The following OSBPL2 variants were observed in gnomAD, a reference collection of about 807,000 sequenced individuals.
The protein encoded by OSBPL2 is oxysterol-binding protein-related protein 2.
Under a neutral mutation model 58.4 loss-of-function variants are expected in OSBPL2, and 18 were observed. The ratio of observed to expected loss-of-function variants is 0.31; its 90% CI spans 0.21 to 0.46. OSBPL2 has a LOEUF of 0.46. Ranked by LOEUF, OSBPL2 falls within the 20% of genes least tolerant of loss-of-function variation. The probability of loss-of-function intolerance (pLI) is 1.00; values close to 1 mark genes in which losing one functional copy is unlikely to be tolerated. For synonymous variants in OSBPL2, 221 were observed against 234.1 expected (o/e 0.94, Z 0.51); for missense variants, 461 against 616.5 (o/e 0.75, Z 2.67).
At chr20:62,267,581 C>T (rs1237639771) in intron 4 of OSBPL2, among the ~76,000 whole-genome samples, 2 of 152,184 alleles carry the variant, frequency 1.3e-5, no homozygotes, top group East Asian at 1.9e-4. Context: ...GTTCCTACAG[C>T]TAGGAACTGT....
chr20:62,279,317 A>G lies in OSBPL2; in HGVS notation c.652A>G (p.Thr218Ala), dbSNP rs749212869. The G allele has an allele frequency of 2.5e-6, 4 of 1,614,098 alleles. No individual in the cohort carries two copies. The South Asian group carries it at 3.3e-5, about 13-fold the overall frequency. ...AAGCGTGGAGGCGGAGCCCCGAGGC[A>G]CCATCACCCTGGAGCTGCTCAAGTG... Reference protein sequence around the residue: ...GKSVEAEPRGTITLELLKHNE... With the variant: ...GKSVEAEPRGAITLELLKHNE... The change falls in exon 7 of 14, where the codon ACC becomes GCC. Residue 218 changes from threonine (T) to alanine (A), a missense_variant. Physicochemically the swap from Thr to Ala is moderately conservative, Grantham distance 58. Transcript: ENST00000313733.
chr20:62,274,645 G>T (rs76012877), intron 6 of OSBPL2, among the ~76,000 whole-genome samples: 1 of 152,200 alleles, frequency 6.6e-6, no homozygotes, highest in East Asian at 1.9e-4. Context: ...GAGCTTGCTG[G>T]TGGGACACCC....
At position 62,256,086 on chromosome 20, in the gene OSBPL2, A is replaced by AG; in HGVS notation, c.-98dup. ...TCAGTGTCTATTGGATTTTTCCAAG[A>AG]GAAAGTTTGTAAAATTCCTTACACT... On this transcript the variant is annotated 5_prime_UTR_variant, in exon 2 of 14. Coordinates refer to ENST00000313733, the MANE Select transcript of OSBPL2 (RefSeq NM_144498.4). The AG allele has an allele frequency of 1.4e-6, 2 of 1,441,396 alleles. No homozygotes were observed. The highest frequency in any genetic ancestry group is 1.9e-6 in the Non-Finnish European group (2 of 1,053,996). 89.3% of individuals were successfully genotyped at this position (1,441,396 alleles called of 1,614,324 possible).
chr20:62,251,407 CTT>C (rs1249189807), intron 1 of OSBPL2, among the ~76,000 whole-genome samples: 17 of 110,810 alleles, frequency 1.5e-4, no homozygotes, highest in East Asian at 2.6e-4. Context: ...ACTATCGTGA[CTT>C]TTTTTTTTTT....
intron 1 of OSBPL2, among the ~76,000 whole-genome samples, chr20:62,252,875 T>G (rs1426419004): frequency 3.3e-5 from 5 of 152,228 alleles, no homozygotes. Context: ...TGGGCACTCA[T>G]CCTTGCCCAG....
At chr20:62,268,177 G>A (rs568205522) in intron 4 of OSBPL2, among the ~76,000 whole-genome samples, 11 of 151,726 alleles carry the variant, frequency 7.2e-5, no homozygotes, top group Admixed American at 2.6e-4. Context: ...GATTACAAGC[G>A]TGAGCCACCG....
chr20:62,294,836 G>A lies in OSBPL2; in HGVS notation c.*949G>A, dbSNP rs1037405756. On this transcript the variant is annotated 3_prime_UTR_variant, in exon 14 of 14. Transcript: ENST00000313733. ...CACATCCGGTTGTGTCCTGTGGGAG[G>A]GTCAGAGGCAGAATCTACTTACAGT... The A allele has an allele frequency of 2.0e-5, 3 of 152,182 alleles. No homozygotes were observed. Among genetic ancestry groups the A allele is most frequent in the African/African-American group, 7.2e-5 (3 of 41,436 alleles). The allele number at this position is 152,182 out of a possible 1,614,324, so 9.4% of individuals were successfully genotyped here. A position where few individuals can be genotyped will look rare whatever the true frequency, so the allele number is the denominator to read the frequency against.
At chr20:62,264,183 C>T (rs547513899) in intron 4 of OSBPL2, among the ~76,000 whole-genome samples, 8 of 152,002 alleles carry the variant, frequency 5.3e-5, no homozygotes, top group African/African-American at 1.9e-4. Flanking sequence ...GTAGGTGAAA[C>T]GGGACATAAG....
chr20:62,249,216 C>T (rs1320719586), intron 1 of OSBPL2, among the ~76,000 whole-genome samples: 2 of 151,970 alleles, frequency 1.3e-5, no homozygotes, highest in Admixed American at 6.6e-5. Flanking sequence ...AAGTGCCCCC[C>T]AACCCCCCAA....
chr20:62,267,298 G>A (rs1981744290), intron 4 of OSBPL2, among the ~76,000 whole-genome samples: 1 of 152,188 alleles, frequency 6.6e-6, no homozygotes, highest in South Asian at 2.1e-4. Context: ...TAACTCACTG[G>A]GAGTTGCTAG....
intron 4 of OSBPL2, among the ~76,000 whole-genome samples, chr20:62,264,470 T>G (rs1205741424): frequency 6.6e-6 from 1 of 152,192 alleles, no homozygotes; most frequent in East Asian, 1.9e-4. Flanking sequence ...GGGCCAGCGC[T>G]TGATGCCTGA....
chr20:62,292,086 G>A (rs1399635123), intron 13 of OSBPL2, among the ~76,000 whole-genome samples: 1 of 152,228 alleles, frequency 6.6e-6, no homozygotes, highest in African/African-American at 2.4e-5. Context: ...ACCCGGCTGG[G>A]GGTGGCCTGT....
intron 6 of OSBPL2, among the ~76,000 whole-genome samples, chr20:62,273,939 C>G (rs1455113749): frequency 6.6e-6 from 1 of 152,220 alleles, no homozygotes; most frequent in Non-Finnish European, 1.5e-5. Flanking sequence ...GTTAACCAGA[C>G]CACGCCTCAT....
chr20:62,277,371 G>A (rs1457288602), intron 6 of OSBPL2, among the ~76,000 whole-genome samples: 3 of 152,270 alleles, frequency 2.0e-5, no homozygotes, highest in Admixed American at 6.5e-5. Context: ...GGGGCGTGCC[G>A]CCAGCACCCT....
At chr20:62,255,068 C>T (rs1466013499) in intron 1 of OSBPL2, 1 of 151,622 alleles carries the variant, frequency 6.6e-6, no homozygotes, top group Non-Finnish European at 1.5e-5. Flanking sequence ...CTCATTGAAG[C>T]TCACCTGCTC....
chr20:62,279,136 C>T, intron 6 of OSBPL2, 21 bp from the exon 7 acceptor site: 2 of 1,591,840 alleles, frequency 1.3e-6, no homozygotes, highest in Non-Finnish European at 1.7e-6. Context: ...ATGTGTCTCT[C>T]TTTTTTATTC....
In OSBPL2 at chr20:62,284,048, A is replaced by G; in HGVS notation, c.875A>G (p.Lys292Arg). Reference protein sequence around the residue: ...KVEGHIQDKNKKKLFMIYGKW... With the variant: ...KVEGHIQDKNRKKLFMIYGKW... Reference sequence around the variant, plus strand: ...TTAAAAATCCCATTTAATTACAGCAAAAAGAAGCTCTTTATGATCTATGGC... The same window carrying G: ...TTAAAAATCCCATTTAATTACAGCAGAAAGAAGCTCTTTATGATCTATGGC... The change falls in exon 10 of 14, where the codon AAA (lysine) becomes AGA (arginine). Residue 292 changes from lysine (K) to arginine (R), a missense_variant and splice_region_variant. Lys to Arg is a conservative substitution (Grantham distance 26). Coordinates refer to ENST00000313733, the MANE Select transcript of OSBPL2 (RefSeq NM_144498.4). The G allele has an allele frequency of 6.2e-7, 1 of 1,610,888 alleles. No individual in the cohort carries two copies. Among genetic ancestry groups the G allele is most frequent in the African/African-American group, 1.3e-5 (1 of 74,888 alleles).
intron 1 of OSBPL2, among the ~76,000 whole-genome samples, chr20:62,245,508 G>A (rs927170851): frequency 2.6e-5 from 4 of 152,206 alleles, no homozygotes; most frequent in Admixed American, 6.5e-5. Context: ...TGAAGAAGGC[G>A]GAGAGGTTGT....
chr20:62,283,059 C>G lies in OSBPL2; in HGVS notation c.873-987C>G, dbSNP rs1982888798. Among the ~76,000 whole-genome samples, 5 of 152,254 alleles carry G rather than the reference C, an allele frequency of 3.3e-5. No homozygotes were observed. The South Asian group carries it at 1.0e-3, about 32-fold the overall frequency. ...CCTTGGAACTCAGCCCAGGGAGCAG[C>G]TGGCTGTCTGTTTCCAGAAATAGGC... is the stretch of plus-strand genomic sequence containing the variant. On this transcript the variant is annotated intron_variant, in intron 9 of 13. Coordinates refer to ENST00000313733, the MANE Select transcript of OSBPL2 (RefSeq NM_144498.4).
Sources: gnomAD v4.1 joint callset for allele counts (sites outside exome capture counted in the v4.1 genomes callset) on GRCh38, gnomAD v4.1.1 for gene constraint, MANE v1.5 for transcripts, NCBI Gene and HGNC (gene_info 2026-07-23, HGNC 2026-07-21) for gene names.